The following ARSB variants were observed in gnomAD, a reference collection of about 807,000 sequenced individuals.
The protein encoded by ARSB is N-acetylgalactosamine-4-sulfatase.
ARSB carries 41 observed loss-of-function variants against 50.9 expected under a neutral mutation model. The observed-to-expected ratio is 0.81, with a 90% CI of 0.63 to 1.04. The LOEUF (loss-of-function observed/expected upper bound fraction) is 1.04. ARSB is among the 50% of genes least tolerant of loss of function. ARSB has a pLI of 0.00. For synonymous variants in ARSB, 269 were observed against 284.8 expected, an observed-to-expected ratio of 0.94 and a Z score of 0.56; for missense variants, 672 against 693.3, an observed-to-expected ratio of 0.97 and a Z score of 0.35.
intron 4 of ARSB, among the ~76,000 whole-genome samples, chr5:78,927,588 T>C (rs76210393): frequency 4.5e-4 from 68 of 152,292 alleles, no homozygotes; most frequent in Non-Finnish European, 7.2e-4. Flanking sequence ...CCGGAAAGAA[T>C]AGAAGTCAAA....
intron 5 of ARSB, among the ~76,000 whole-genome samples, chr5:78,869,990 C>T (rs149822196): frequency 0.18 from 25,158 of 136,184 alleles, 2,114 homozygotes; most frequent in Admixed American, 0.25. Flanking sequence ...ATATCACCAC[C>T]GATCCCACAG....
chr5:78,787,313 A>T (rs1019419421), intron 6 of ARSB, among the ~76,000 whole-genome samples: 10 of 152,184 alleles, frequency 6.6e-5, no homozygotes, highest in African/African-American at 2.4e-4. Flanking sequence ...TAACCTTAGA[A>T]ATCAGCAAGC....
At chr5:78,968,307 T>C (rs1335076210) in intron 2 of ARSB, among the ~76,000 whole-genome samples, 1 of 143,982 alleles carries the variant, frequency 6.9e-6, no homozygotes, top group South Asian at 2.2e-4. Context: ...GAAATATTCA[T>C]TTTTTATTTT....
chr5:78,977,444 A>C (rs1299295174), intron 1 of ARSB, among the ~76,000 whole-genome samples: 1 of 152,038 alleles, frequency 6.6e-6, no homozygotes, highest in Non-Finnish European at 1.5e-5. Context: ...GTGAGCCACC[A>C]CGCCTGGCCT....
At chr5:78,796,703 G>A (rs991390196) in intron 6 of ARSB, among the ~76,000 whole-genome samples, 2 of 152,004 alleles carry the variant, frequency 1.3e-5, no homozygotes, top group Non-Finnish European at 2.9e-5. Context: ...CACCAGGCTG[G>A]AGTGCGGTGG....
intron 5 of ARSB, among the ~76,000 whole-genome samples, chr5:78,840,644 G>T (rs962322301): frequency 2.0e-5 from 3 of 152,022 alleles, no homozygotes; most frequent in Admixed American, 2.0e-4. Context: ...TCCTTAAATT[G>T]AGCATATTTA....
At chr5:78,862,583 C>T (rs1002829352) in intron 5 of ARSB, among the ~76,000 whole-genome samples, 6 of 152,148 alleles carry the variant, frequency 3.9e-5, no homozygotes, top group Non-Finnish European at 7.4e-5. Flanking sequence ...TTCCTTACAC[C>T]TTATACAAAA....
At chr5:78,896,395 G>T (rs990218515) in intron 4 of ARSB, among the ~76,000 whole-genome samples, 1 of 152,174 alleles carries the variant, frequency 6.6e-6, no homozygotes, top group African/African-American at 2.4e-5. Flanking sequence ...AATTAACTGA[G>T]ATGATCTGAA....
In ARSB at chr5:78,931,842, C is replaced by T. The variant is rs752502221; in HGVS notation, c.898+23453G>A. On this transcript the variant is annotated intron_variant, in intron 4 of 7. Coordinates refer to ENST00000264914, the MANE Select transcript of ARSB (RefSeq NM_000046.5). ...GACTGGATCATGGGGGCTGGTTCTC[C>T]CATGCTGTTCACATGATAGTGAGTA... 4.0e-4 allele frequency among the ~76,000 whole-genome samples: 61 copies of T among 151,970 alleles called. 1 individual carries two copies. Among genetic ancestry groups the T allele is most frequent in the Non-Finnish European group, 7.1e-4 (48 of 67,986 alleles).
intron 5 of ARSB, among the ~76,000 whole-genome samples, chr5:78,875,411 T>G (rs753060378): frequency 1.1e-4 from 16 of 151,976 alleles, no homozygotes; most frequent in Non-Finnish European, 1.9e-4. Context: ...CATATTACAT[T>G]CAAACAAAAA....
intron 6 of ARSB, among the ~76,000 whole-genome samples, chr5:78,834,911 T>G (rs35846655): frequency 6.6e-6 from 1 of 150,890 alleles, no homozygotes; most frequent in African/African-American, 2.4e-5. Flanking sequence ...TAACAGTGAA[T>G]AAGGGTTCCA....
Position 78,780,351 on chromosome 5 carries a change from T to A in ARSB, c.*46A>T, listed in dbSNP as rs748400777. On this transcript the variant is annotated 3_prime_UTR_variant, in exon 8 of 8. Transcript: ENST00000264914. ...GAGACAAGAGTCGTGAGAAAAGGCC[T>A]GAGGTCCAACTTCCAATTGAAAGGT... 9.3e-6 allele frequency: 15 copies of A among 1,611,928 alleles called. No individual in the cohort carries two copies. The highest frequency in any genetic ancestry group is 1.3e-5 in the Non-Finnish European group (15 of 1,179,844).
chr5:78,819,201 T>C (rs942323491), intron 6 of ARSB, among the ~76,000 whole-genome samples: 1 of 152,058 alleles, frequency 6.6e-6, no homozygotes, highest in Non-Finnish European at 1.5e-5. Context: ...TGGGAGGTGA[T>C]GGTCCTACCA....
At chr5:78,849,868 T>C (rs1745666577) in intron 5 of ARSB, among the ~76,000 whole-genome samples, 1 of 150,348 alleles carries the variant, frequency 6.7e-6, no homozygotes, top group African/African-American at 2.4e-5. Context: ...TGTTTGTCTG[T>C]TATTGGTGTA....
intron 6 of ARSB, among the ~76,000 whole-genome samples, chr5:78,837,550 C>T (rs914532584): frequency 1.3e-5 from 2 of 152,130 alleles, no homozygotes; most frequent in Non-Finnish European, 2.9e-5. Context: ...TAATGCAAGT[C>T]ACTTATGTAA....
rs549318471 is a variant in ARSB at position 78,873,387 on chromosome 5, G to A, written c.1142+12197C>T. Among the ~76,000 whole-genome samples, 7 of 151,106 alleles carry A rather than the reference G, an allele frequency of 4.6e-5. No individual in the cohort carries two copies. In the South Asian group the frequency reaches 6.2e-4, roughly 13 times the overall value. The stretch of plus-strand genomic sequence containing the variant: ...AAAAATAAAGAGGCAAAGAGGATAC[G>A]AGAGAAATTGACAGAAACCAAATTT... On this transcript the variant is annotated intron_variant, in intron 5 of 7. Coordinates refer to ENST00000264914, the MANE Select transcript of ARSB (RefSeq NM_000046.5).
chr5:78,962,683 C>T (rs558991893), intron 3 of ARSB, among the ~76,000 whole-genome samples: 8 of 152,220 alleles, frequency 5.3e-5, no homozygotes, highest in African/African-American at 1.9e-4. Flanking sequence ...CCCACCACTG[C>T]ACCCGGCTAA....
At chr5:78,980,110 G>C (rs1752839844) in intron 1 of ARSB, among the ~76,000 whole-genome samples, 1 of 152,202 alleles carries the variant, frequency 6.6e-6, no homozygotes, top group Non-Finnish European at 1.5e-5. Context: ...GAAATGAAGA[G>C]TGACTGCTAA....
At chr5:78,968,076 T>C (rs1171528753) in intron 2 of ARSB, among the ~76,000 whole-genome samples, 1 of 152,104 alleles carries the variant, frequency 6.6e-6, no homozygotes, top group Non-Finnish European at 1.5e-5. Flanking sequence ...TATAAAATAC[T>C]TATTATTATT....
Sources: allele counts gnomAD v4.1 joint callset (sites outside exome capture counted in the v4.1 genomes callset), GRCh38; gene constraint gnomAD v4.1.1; transcripts MANE v1.5; gene names NCBI Gene and HGNC (gene_info 2026-07-23, HGNC 2026-07-21).